NRXN1: variants seen among roughly 807,000 people sequenced by gnomAD.
NRXN1 encodes the protein neurexin 1, also known as neurexin-1.
NRXN1 carries 39 observed loss-of-function variants against 150.9 expected under a neutral mutation model. The observed-to-expected ratio is 0.26, with a 90% CI of 0.20 to 0.34. The LOEUF (loss-of-function observed/expected upper bound fraction) is 0.34, where lower values mean the gene tolerates loss of function less well. Among genes scored for constraint, NRXN1 ranks in the 10% least tolerant of loss-of-function variants. The probability of loss-of-function intolerance (pLI) is 1.00; values close to 1 mark genes in which losing one functional copy is unlikely to be tolerated. For synonymous variants in NRXN1, 924 were observed against 757.0 expected, an observed-to-expected ratio of 1.22 and a Z score of -3.62; for missense variants, 1,815 against 1,949.9, an observed-to-expected ratio of 0.93 and a Z score of 1.30.
intron 21 of NRXN1, among the ~76,000 whole-genome samples, chr2:50,044,367 CTATTAAA>C (rs766079450): frequency 2.0e-5 from 3 of 152,144 alleles, no homozygotes; most frequent in Admixed American, 1.3e-4. Context: ...ACCAACTACT[CTATTAAA>C]TCTACAGACT....
intron 2 of NRXN1, among the ~76,000 whole-genome samples, chr2:50,934,939 C>T (rs1429495213): frequency 6.6e-6 from 1 of 152,108 alleles, no homozygotes; most frequent in East Asian, 1.9e-4. Context: ...CTTTAGACCT[C>T]ATAGATGAGA....
intron 17 of NRXN1, among the ~76,000 whole-genome samples, chr2:50,458,889 A>T (rs1052433103): frequency 3.3e-5 from 5 of 152,058 alleles, no homozygotes; most frequent in Non-Finnish European, 7.4e-5. Flanking sequence ...ATAAAATTTT[A>T]AAAAATCTAT....
chr2:49,935,162 A>G (rs1474595712), intron 22 of NRXN1, among the ~76,000 whole-genome samples: 1 of 152,186 alleles, frequency 6.6e-6, no homozygotes, highest in Non-Finnish European at 1.5e-5. Flanking sequence ...TCTCATTTTT[A>G]TCAGTACAGC....
intron 5 of NRXN1, among the ~76,000 whole-genome samples, chr2:50,645,379 G>A (rs1684675432): frequency 6.6e-6 from 1 of 151,910 alleles, no homozygotes. Flanking sequence ...ATATAAATAA[G>A]AATGCTACCT....
chr2:51,014,031 A>G (rs1668293576), intron 2 of NRXN1, among the ~76,000 whole-genome samples: 2 of 152,006 alleles, frequency 1.3e-5, no homozygotes, highest in African/African-American at 2.4e-5. Flanking sequence ...GATAACAAAA[A>G]CCTATCAAGA....
At chr2:50,182,710 C>A (rs1172926027) in intron 18 of NRXN1, among the ~76,000 whole-genome samples, 1 of 151,976 alleles carries the variant, frequency 6.6e-6, no homozygotes, top group African/African-American at 2.4e-5. Context: ...GAATATTATA[C>A]AGGGAGATAC....
chr2:50,468,294 A>G (rs1174374812), intron 16 of NRXN1, among the ~76,000 whole-genome samples: 2 of 151,610 alleles, frequency 1.3e-5, no homozygotes. Context: ...TAGAGCAGCA[A>G]CTCAGAGTAC....
intron 18 of NRXN1, among the ~76,000 whole-genome samples, chr2:50,117,330 A>G (rs1703200604): frequency 6.6e-6 from 1 of 152,138 alleles, no homozygotes; most frequent in Non-Finnish European, 1.5e-5. Flanking sequence ...AAATTATTAC[A>G]TGTTCCCATG....
chr2:50,822,492 C>T (rs535106754), intron 5 of NRXN1, among the ~76,000 whole-genome samples: 1 of 152,194 alleles, frequency 6.6e-6, no homozygotes, highest in African/African-American at 2.4e-5. Flanking sequence ...AGAGATCTCA[C>T]CTTTGCATAA....
intron 17 of NRXN1, among the ~76,000 whole-genome samples, chr2:50,458,245 C>G (rs1167647503): frequency 6.6e-6 from 1 of 151,902 alleles, no homozygotes; most frequent in Non-Finnish European, 1.5e-5. Context: ...CTCTTGGAGA[C>G]AGTGAATAGA....
At chr2:50,391,629 C>CT (rs1368063928) in intron 17 of NRXN1, among the ~76,000 whole-genome samples, 6 of 152,050 alleles carry the variant, frequency 3.9e-5, no homozygotes, top group African/African-American at 1.4e-4. Context: ...GCAAGGATTC[C>CT]TATTCTTGTT....
chr2:50,184,190 C>T (rs1261296967), intron 18 of NRXN1, among the ~76,000 whole-genome samples: 4 of 151,948 alleles, frequency 2.6e-5, no homozygotes, highest in Admixed American at 1.3e-4. Flanking sequence ...ACCTTTTACC[C>T]CATTATTTTC....
At chr2:50,348,928 A>G (rs2078231330) in intron 17 of NRXN1, among the ~76,000 whole-genome samples, 1 of 152,162 alleles carries the variant, frequency 6.6e-6, no homozygotes, top group Non-Finnish European at 1.5e-5. Context: ...CCATCTACAT[A>G]ATTGTTATCA....
intron 18 of NRXN1, among the ~76,000 whole-genome samples, chr2:50,146,720 A>T (rs1708063967): frequency 6.6e-6 from 1 of 151,676 alleles, no homozygotes; most frequent in East Asian, 1.9e-4. Flanking sequence ...TAGGCTAAAC[A>T]TCAATATACA....
At chr2:51,016,260 G>T (rs1437796023) in intron 2 of NRXN1, among the ~76,000 whole-genome samples, 1 of 151,996 alleles carries the variant, frequency 6.6e-6, no homozygotes. Context: ...TGACATATGG[G>T]GTCTAATTAA....
intron 18 of NRXN1, among the ~76,000 whole-genome samples, chr2:50,127,194 G>A (rs1704722957): frequency 6.6e-6 from 1 of 152,028 alleles, no homozygotes; most frequent in Admixed American, 6.6e-5. Context: ...GACAATAGTT[G>A]AATCTGAATT....
chr2:50,515,087 A>T (rs1191495369), intron 12 of NRXN1, among the ~76,000 whole-genome samples: 1 of 152,180 alleles, frequency 6.6e-6, no homozygotes, highest in Non-Finnish European at 1.5e-5. Flanking sequence ...CTGTATTTAC[A>T]GCCGCTCTCC....
chr2:50,412,818 A>G (rs1487158140), intron 17 of NRXN1, among the ~76,000 whole-genome samples: 4 of 152,220 alleles, frequency 2.6e-5, no homozygotes, highest in Non-Finnish European at 5.9e-5. Flanking sequence ...AAAGGCACCA[A>G]AAACATATCC....
intron 5 of NRXN1, among the ~76,000 whole-genome samples, chr2:50,690,623 T>C (rs558450428): frequency 3.3e-5 from 5 of 152,212 alleles, no homozygotes; most frequent in Non-Finnish European, 2.9e-5. Flanking sequence ...AATGTGTCTC[T>C]AATAAGTGGC....
Sources: allele counts gnomAD v4.1 joint callset (sites outside exome capture counted in the v4.1 genomes callset), GRCh38; gene constraint gnomAD v4.1.1; transcripts MANE v1.5; gene names NCBI Gene and HGNC (gene_info 2026-07-23, HGNC 2026-07-21).